Variants in TTC28 observed in about 807,000 individuals in gnomAD.
TTC28 encodes the protein tetratricopeptide repeat domain 28, also known as tetratricopeptide repeat protein 28.
In TTC28, 61 loss-of-function variants were observed where a neutral mutation model predicts 198.0. The observed-to-expected ratio is 0.31, with a 90% CI of 0.25 to 0.38. The LOEUF is 0.38. TTC28 is among the 10% of genes least tolerant of loss of function. The pLI, the probability that TTC28 is intolerant of heterozygous loss-of-function variation, is 1.00. For missense variants in TTC28, 2,678 were observed against 3,164.0 expected (o/e 0.85, Z 3.69); for synonymous variants, 1,171 against 1,297.8 (o/e 0.90, Z 2.10).
At chr22:28,356,962 G>T (rs1295324171) in intron 2 of TTC28, among the ~76,000 whole-genome samples, 1 of 152,172 alleles carries the variant, frequency 6.6e-6, no homozygotes, top group African/African-American at 2.4e-5. Context: ...GCATGCCCAA[G>T]AATCTGGCCC....
intron 5 of TTC28, among the ~76,000 whole-genome samples, chr22:28,279,896 G>A (rs1245848565): frequency 6.6e-6 from 1 of 152,126 alleles, no homozygotes; most frequent in Non-Finnish European, 1.5e-5. Flanking sequence ...TCCTCTTTTG[G>A]TATCTGATTT....
chr22:28,367,491 C>T (rs548655397), intron 2 of TTC28, among the ~76,000 whole-genome samples: 1 of 151,652 alleles, frequency 6.6e-6, no homozygotes, highest in East Asian at 1.9e-4. Flanking sequence ...AGAAGAAAAA[C>T]CTCAAATAAA....
intron 2 of TTC28, among the ~76,000 whole-genome samples, chr22:28,618,432 A>C (rs1275789374): frequency 6.6e-6 from 1 of 152,146 alleles, no homozygotes; most frequent in Non-Finnish European, 1.5e-5. Flanking sequence ...CTGTAATCCA[A>C]GCACTTTGGG....
At chr22:28,362,851 A>C (rs900410204) in intron 2 of TTC28, among the ~76,000 whole-genome samples, 1 of 152,156 alleles carries the variant, frequency 6.6e-6, no homozygotes, top group Non-Finnish European at 1.5e-5. Context: ...AGAAATTTCT[A>C]AGCAGCAAAG....
chr22:28,508,614 C>CA (rs1417854753), intron 2 of TTC28, among the ~76,000 whole-genome samples: 3 of 150,966 alleles, frequency 2.0e-5, no homozygotes, highest in Non-Finnish European at 4.4e-5. Context: ...CAACAATGAT[C>CA]AAAAAAAAGA....
intron 1 of TTC28, among the ~76,000 whole-genome samples, chr22:28,635,838 C>G (rs2146221256): frequency 6.6e-6 from 1 of 152,228 alleles, no homozygotes; most frequent in East Asian, 1.9e-4. Flanking sequence ...GATCTACTCT[C>G]TTAGCAAATT....
chr22:28,562,965 A>C (rs1457393323), intron 2 of TTC28, among the ~76,000 whole-genome samples: 1 of 152,112 alleles, frequency 6.6e-6, no homozygotes. Flanking sequence ...TCTACAAAAA[A>C]TACAAATATT....
At chr22:28,569,248 A>G (rs189118829) in intron 2 of TTC28, among the ~76,000 whole-genome samples, 2 of 152,204 alleles carry the variant, frequency 1.3e-5, no homozygotes, top group African/African-American at 2.4e-5. Flanking sequence ...AATCCCAAGT[A>G]AAAAGAACAG....
chr22:28,654,864 C>G (rs1224543024), intron 1 of TTC28, among the ~76,000 whole-genome samples: 1 of 152,178 alleles, frequency 6.6e-6, no homozygotes, highest in Non-Finnish European at 1.5e-5. Flanking sequence ...ATGCTCTCTA[C>G]TTAATATGTT....
At chr22:28,288,475 C>A (rs930997438) in intron 5 of TTC28, among the ~76,000 whole-genome samples, 6 of 152,208 alleles carry the variant, frequency 3.9e-5, no homozygotes, top group African/African-American at 1.4e-4. Context: ...ATAACAGCCC[C>A]AAACTGGAAA....
chr22:28,639,189 A>G (rs1323372777), intron 1 of TTC28, among the ~76,000 whole-genome samples: 2 of 151,886 alleles, frequency 1.3e-5, no homozygotes, highest in African/African-American at 2.4e-5. Context: ...AGGAAAATGG[A>G]TAAGCACAGG....
intron 5 of TTC28, among the ~76,000 whole-genome samples, chr22:28,273,450 AT>A (rs1439288079): frequency 6.6e-6 from 1 of 152,140 alleles, no homozygotes; most frequent in Non-Finnish European, 1.5e-5. Context: ...TTCCAAAAAA[AT>A]AACTAAAATT....
At chr22:28,224,045 G>T (rs954057060) in intron 5 of TTC28, among the ~76,000 whole-genome samples, 20 of 152,328 alleles carry the variant, frequency 1.3e-4, no homozygotes, top group African/African-American at 4.6e-4. Flanking sequence ...CTGGAGACAT[G>T]TTTAGTTGTC....
intron 2 of TTC28, among the ~76,000 whole-genome samples, chr22:28,409,791 G>A (rs537835394): frequency 9.9e-5 from 15 of 151,578 alleles, no homozygotes; most frequent in African/African-American, 3.6e-4. Context: ...CGAGTAGCTG[G>A]GACTACAGGC....
At chr22:28,080,834 C>G (rs758546560) in intron 12 of TTC28, among the ~76,000 whole-genome samples, 2 of 151,958 alleles carry the variant, frequency 1.3e-5, no homozygotes, top group Non-Finnish European at 2.9e-5. Flanking sequence ...ACGTTTAGGT[C>G]TCTAATCCAT....
intron 5 of TTC28, among the ~76,000 whole-genome samples, chr22:28,256,868 A>G (rs1430955714): frequency 6.6e-6 from 1 of 152,136 alleles, no homozygotes; most frequent in African/African-American, 2.4e-5. Context: ...GCAAGATGCC[A>G]TCTCTACCAA....
intron 5 of TTC28, among the ~76,000 whole-genome samples, chr22:28,166,961 T>C (rs1356702418): frequency 2.0e-5 from 3 of 151,888 alleles, no homozygotes; most frequent in Non-Finnish European, 2.9e-5. Context: ...AAGAATCAAA[T>C]AGATGCAATA....
intron 12 of TTC28, among the ~76,000 whole-genome samples, chr22:28,081,067 A>C (rs141146058): frequency 3.3e-5 from 5 of 151,966 alleles, no homozygotes; most frequent in Non-Finnish European, 7.4e-5. Flanking sequence ...TCAGTATCAT[A>C]TTGTTTTGAT....
chr22:28,209,645 G>A lies in TTC28; in HGVS notation c.934-46046C>T, dbSNP rs927872147. ...GGTAAACAAAGCTGCCCAGAAGCTC[G>A]AACTGGGTGGAGCCCACCACAGCTC... On this transcript the variant is annotated intron_variant, in intron 5 of 22. Coordinates refer to ENST00000397906, the MANE Select transcript of TTC28 (RefSeq NM_001145418.2). Among the ~76,000 whole-genome samples, 48 of 152,186 alleles carry A rather than the reference G, an allele frequency of 3.2e-4. 1 individual carries two copies. Among genetic ancestry groups the A allele is most frequent in the Admixed American group, 2.2e-3 (34 of 15,278 alleles).
Sources: allele counts gnomAD v4.1 joint callset (sites outside exome capture counted in the v4.1 genomes callset), GRCh38; gene constraint gnomAD v4.1.1; transcripts MANE v1.5; gene names NCBI Gene and HGNC (gene_info 2026-07-23, HGNC 2026-07-21).